SMAP1: variants seen among roughly 807,000 people sequenced by gnomAD.
The protein encoded by SMAP1 is stromal membrane-associated protein 1.
SMAP1 carries 24 observed loss-of-function variants against 58.5 expected under a neutral mutation model. The ratio of observed to expected loss-of-function variants is 0.41; its 90% CI spans 0.30 to 0.58. The LOEUF (loss-of-function observed/expected upper bound fraction) is 0.58, where lower values mean the gene tolerates loss of function less well. Among genes scored for constraint, SMAP1 ranks in the 20% least tolerant of loss-of-function variants. SMAP1 has a pLI of 0.29. For synonymous variants in SMAP1, 216 were observed against 196.6 expected (o/e 1.10, Z -0.82); for missense variants, 563 against 566.3 (o/e 0.99, Z 0.06).
At chr6:70,795,918 A>G (rs2033200064) in intron 5 of SMAP1, among the ~76,000 whole-genome samples, 3 of 151,710 alleles carry the variant, frequency 2.0e-5, no homozygotes, top group South Asian at 2.1e-4. Context: ...TTGTATTTTT[A>G]ATAGAGACAG....
chr6:70,690,907 G>T (rs767832882), intron 1 of SMAP1, among the ~76,000 whole-genome samples: 9 of 149,512 alleles, frequency 6.0e-5, no homozygotes, highest in Non-Finnish European at 1.3e-4. Context: ...GGAGGAGTTT[G>T]TATAGAACTG....
chr6:70,668,507 C>T (rs1766129405), intron 1 of SMAP1: 3 of 1,480,346 alleles, frequency 2.0e-6, no homozygotes, highest in South Asian at 2.7e-5. Flanking sequence ...TAGAGAGTTG[C>T]CCTCCTAGCT....
intron 2 of SMAP1, among the ~76,000 whole-genome samples, chr6:70,733,785 T>C (rs1172336811): frequency 6.6e-6 from 1 of 152,172 alleles, no homozygotes; most frequent in Non-Finnish European, 1.5e-5. Flanking sequence ...AGTATCCTGC[T>C]TTTTTAATGG....
At chr6:70,828,259 A>C (rs1472184120) in intron 6 of SMAP1, among the ~76,000 whole-genome samples, 1 of 152,190 alleles carries the variant, frequency 6.6e-6, no homozygotes, top group Non-Finnish European at 1.5e-5. Flanking sequence ...TTTTACTGAA[A>C]ATTTTAGTAA....
chr6:70,763,444 C>G (rs1766838308), intron 3 of SMAP1, among the ~76,000 whole-genome samples: 1 of 152,102 alleles, frequency 6.6e-6, no homozygotes, highest in Non-Finnish European at 1.5e-5. Flanking sequence ...CAGCTTTTCC[C>G]TTTCTTTTCC....
rs527573633 is a variant in SMAP1 at position 70,840,641 on chromosome 6, T to TTATG, written c.664+3615_664+3618dup. On this transcript the variant is annotated intron_variant, in intron 7 of 10. Transcript: ENST00000370455. The stretch of plus-strand genomic sequence containing the variant: ...GGGCTAGGGTTTGCTCACCCCTGCT[T>TTATG]TATGTTCCCAATAGTACCTACAAGA... 1.5e-4 allele frequency among the ~76,000 whole-genome samples: 23 copies of TTATG among 152,352 alleles called. No homozygotes were observed. In the East Asian group the frequency reaches 4.2e-3, roughly 28 times the overall value.
At chr6:70,813,117 G>A (rs1769461726) in intron 6 of SMAP1, among the ~76,000 whole-genome samples, 1 of 151,922 alleles carries the variant, frequency 6.6e-6, no homozygotes, top group Non-Finnish European at 1.5e-5. Context: ...GTATGGTTTC[G>A]TATTTTTTAT....
intron 2 of SMAP1, among the ~76,000 whole-genome samples, chr6:70,752,779 A>C (rs1319045629): frequency 6.6e-6 from 1 of 152,090 alleles, no homozygotes; most frequent in Non-Finnish European, 1.5e-5. Flanking sequence ...AGAAACCTAG[A>C]AACTAAGCTT....
Position 70,833,801 on chromosome 6 carries a change from A to T in SMAP1, c.577-3140A>T, listed in dbSNP as rs376490168. 1.1e-4 allele frequency among the ~76,000 whole-genome samples: 16 copies of T among 152,332 alleles called. No homozygotes were observed. In the East Asian group the frequency reaches 1.7e-3, roughly 17 times the overall value. On this transcript the variant is annotated intron_variant, in intron 6 of 10. Transcript: ENST00000370455. The stretch of plus-strand genomic sequence containing the variant: ...TGTATCATTTTTATATGCCAAAAAA[A>T]GTTTCGTTGTGGCCCATAAAATAGA...
intron 6 of SMAP1, among the ~76,000 whole-genome samples, chr6:70,812,134 A>G (rs537738851): frequency 6.6e-6 from 1 of 152,332 alleles, no homozygotes; most frequent in African/African-American, 2.4e-5. Context: ...AGACACTGAA[A>G]GCAAAACGTT....
At chr6:70,739,082 A>G (rs912821233) in intron 2 of SMAP1, among the ~76,000 whole-genome samples, 1 of 152,190 alleles carries the variant, frequency 6.6e-6, no homozygotes, top group Non-Finnish European at 1.5e-5. Context: ...TAGAATATTG[A>G]TAGGCAGTCA....
At chr6:70,788,687 CAGA>C (rs905294871) in intron 4 of SMAP1, among the ~76,000 whole-genome samples, 11 of 152,030 alleles carry the variant, frequency 7.2e-5, no homozygotes, top group Admixed American at 2.0e-4. Context: ...AGAGAAAAAC[CAGA>C]AGGAGTCATA....
chr6:70,709,629 T>C (rs1308062342), intron 1 of SMAP1, among the ~76,000 whole-genome samples: 1 of 152,210 alleles, frequency 6.6e-6, no homozygotes, highest in African/African-American at 2.4e-5. Flanking sequence ...TCCTATAATA[T>C]GATTTGAAAT....
chr6:70,782,561 C>T (rs189629131), intron 4 of SMAP1, among the ~76,000 whole-genome samples: 2 of 152,314 alleles, frequency 1.3e-5, no homozygotes, highest in African/African-American at 4.8e-5. Context: ...ATGCTGGATG[C>T]TTCCTGCCCT....
chr6:70,796,237 G>A lies in SMAP1; in HGVS notation c.496-2420G>A, dbSNP rs187064615. On this transcript the variant is annotated intron_variant, in intron 5 of 10. Transcript: ENST00000370455. Reference sequence around the variant, plus strand: ...AAAACAGTGCCTGGCACATAGTAACGGTTCAGAAAGTATTAGCTGTTACTG... The same window carrying A: ...AAAACAGTGCCTGGCACATAGTAACAGTTCAGAAAGTATTAGCTGTTACTG... Among the ~76,000 whole-genome samples the A allele has an allele frequency of 2.8e-3, 421 of 152,256 alleles. 2 individuals carry two copies. Among genetic ancestry groups the A allele is most frequent in the Non-Finnish European group, 4.2e-3 (289 of 68,018 alleles).
rs766441802 is a variant in SMAP1, at chr6:70,861,987, A to AAAAT, written c.*1657_*1660dup. ...AAGACTTACAGCAAATCCTTTGTGA[A>AAAAT]AAATAAAAAAAAAAAAGAGACTTTA... On this transcript the variant is annotated 3_prime_UTR_variant, in exon 11 of 11. Coordinates refer to ENST00000370455, the MANE Select transcript of SMAP1 (RefSeq NM_001044305.3). 8.9e-6 allele frequency: 14 copies of AAAAT among 1,570,582 alleles called. No individual in the cohort carries two copies. In the Admixed American group the frequency reaches 1.0e-4, roughly 11 times the overall value.
intron 7 of SMAP1, among the ~76,000 whole-genome samples, chr6:70,850,942 A>C (rs955684794): frequency 9.9e-5 from 15 of 152,184 alleles, no homozygotes; most frequent in African/African-American, 3.6e-4. Flanking sequence ...AATGAAAAAA[A>C]GTATTTTCAT....
At chr6:70,746,600 C>T (rs766217187) in intron 2 of SMAP1, among the ~76,000 whole-genome samples, 4 of 152,050 alleles carry the variant, frequency 2.6e-5, no homozygotes, top group Non-Finnish European at 5.9e-5. Flanking sequence ...ATTTTTGCAT[C>T]GATGTTCATC....
chr6:70,756,870 G>A (rs1313888996), intron 3 of SMAP1, among the ~76,000 whole-genome samples: 6 of 151,968 alleles, frequency 3.9e-5, no homozygotes, highest in Non-Finnish European at 8.8e-5. Context: ...AATAAAAGAG[G>A]ATACAAACAA....
Sources: allele counts gnomAD v4.1 joint callset (sites outside exome capture counted in the v4.1 genomes callset), GRCh38; gene constraint gnomAD v4.1.1; transcripts MANE v1.5; gene names NCBI Gene and HGNC (gene_info 2026-07-23, HGNC 2026-07-21).